The following BRAP variants were observed in gnomAD, a reference collection of about 807,000 sequenced individuals.
The protein encoded by BRAP is BRCA1-associated protein.
A neutral mutation model predicts 73.4 loss-of-function variants in BRAP; 42 were observed. The ratio of observed to expected loss-of-function variants is 0.57; its 90% confidence interval spans 0.45 to 0.74. The LOEUF (loss-of-function observed/expected upper bound fraction) is 0.74. Among genes scored for constraint, BRAP ranks in the 30% least tolerant of loss-of-function variants. The pLI, the probability that BRAP is intolerant of heterozygous loss-of-function variation, is 0.00. For synonymous variants in BRAP, 255 were observed against 267.4 expected (o/e 0.95, Z 0.45); for missense variants, 593 against 751.4 (o/e 0.79, Z 2.46).
intron 5 of BRAP, chr12:111,670,494 T>G: frequency 8.9e-6 from 2 of 223,954 alleles, no homozygotes. Flanking sequence ...TCTACTTAAT[T>G]TTTTAATTTT....
In BRAP at chr12:111,665,712, C is replaced by T; in HGVS notation, c.823G>A (p.Val275Met). ...CATAACGTTGTGAGGATGCCATTCACAGACTCGTCCATGCGCTCCAGACAC... is the reference window on the plus strand; with the variant it reads ...CATAACGTTGTGAGGATGCCATTCATAGACTCGTCCATGCGCTCCAGACAC... Reference protein sequence around the residue: ...TVCLERMDESVNGILTTLCNH... With the variant: ...TVCLERMDESMNGILTTLCNH... Residue 275 changes from valine to methionine, a missense_variant, in exon 6 of 12, where the codon GTG (valine) becomes ATG (methionine). Val to Met is a conservative substitution (Grantham distance 21, BLOSUM62 1). Transcript: ENST00000419234. The surrounding 1 kb of genome is among the most constrained non-coding windows in gnomAD (Gnocchi z 4.3). 1 of 1,614,270 alleles carries T rather than the reference C, an allele frequency of 6.2e-7. No homozygotes were observed. Among genetic ancestry groups the T allele is most frequent in the Non-Finnish European group, 8.5e-7 (1 of 1,180,050 alleles).
At chr12:111,662,319 G>C (rs796118980) in intron 6 of BRAP, among the ~76,000 whole-genome samples, 18 of 152,238 alleles carry the variant, frequency 1.2e-4, no homozygotes, top group African/African-American at 4.3e-4. Context: ...GGGAGACCTA[G>C]GCGGGCGGAT....
intron 11 of BRAP, among the ~76,000 whole-genome samples, chr12:111,646,813 G>A (rs1886128630): frequency 6.6e-6 from 1 of 152,084 alleles, no homozygotes; most frequent in African/African-American, 2.4e-5. Context: ...CATGCCCTTT[G>A]ACACAGCTAT....
intron 6 of BRAP, among the ~76,000 whole-genome samples, chr12:111,662,851 T>C (rs941182651): frequency 6.6e-6 from 1 of 151,200 alleles, no homozygotes; most frequent in Non-Finnish European, 1.5e-5. Context: ...CCAGGTGCAG[T>C]AGCTCACATC....
In BRAP at chr12:111,665,638, C is replaced by T. The variant is rs1330668308; in HGVS notation, c.896+1G>A. The T allele has an allele frequency of 2.5e-6, 4 of 1,614,010 alleles. No individual in the cohort carries two copies. The highest frequency in any genetic ancestry group is 2.2e-5 in the East Asian group (1 of 44,892). On this transcript the variant is annotated splice_donor_variant, in intron 6 of 11. Coordinates refer to ENST00000419234, the MANE Select transcript of BRAP (RefSeq NM_006768.5). LOFTEE classifies it high-confidence loss of function. The surrounding 1 kb of genome is among the most constrained non-coding windows in gnomAD (Gnocchi z 4.3). ...CAGAGGGGTTCGGCCCCTGCACTCA[C>T]GTGGTATCGTCCCAGCGCTGTAGAC...
intron 11 of BRAP, among the ~76,000 whole-genome samples, chr12:111,646,987 G>A (rs1016961569): frequency 3.2e-4 from 48 of 152,264 alleles, no homozygotes; most frequent in African/African-American, 1.1e-3. Flanking sequence ...CAGGCCAGGT[G>A]CAGGGCTCAT....
Position 111,670,610 on chromosome 12 carries a change from C to T in BRAP, c.747+2051G>A, listed in dbSNP as rs141439105. On this transcript the variant is annotated intron_variant, in intron 5 of 11. Coordinates refer to ENST00000419234, the MANE Select transcript of BRAP (RefSeq NM_006768.5). ...CGGGGTTTAAGCAATTCTGCCTCAGCCTCCGGAGTAGCTGAGACTACAGGC... is the reference window on the plus strand; with the variant it reads ...CGGGGTTTAAGCAATTCTGCCTCAGTCTCCGGAGTAGCTGAGACTACAGGC... Among the ~76,000 whole-genome samples the T allele has an allele frequency of 3.7e-3, 558 of 152,300 alleles. 2 individuals are homozygous for T. The highest frequency in any genetic ancestry group is 6.0e-3 in the Non-Finnish European group (408 of 68,014).
Position 111,649,737 on chromosome 12 carries a change from G to A in BRAP, c.1415+202C>T, listed in dbSNP as rs560027105. Among the ~76,000 whole-genome samples, 10 of 152,366 alleles carry A rather than the reference G, an allele frequency of 6.6e-5. No homozygotes were observed. In the East Asian group the frequency reaches 1.7e-3, roughly 26 times the overall value. On this transcript the variant is annotated intron_variant, in intron 11 of 11. Coordinates refer to ENST00000419234, the MANE Select transcript of BRAP (RefSeq NM_006768.5). ...ACACACTGCAAGTGCACAGACATCA[G>A]AAGAGAGCACTGCATTCCACATGGC...
intron 2 of BRAP, among the ~76,000 whole-genome samples, chr12:111,682,110 C>T (rs1887621781): frequency 6.6e-6 from 1 of 152,158 alleles, no homozygotes; most frequent in Non-Finnish European, 1.5e-5. Context: ...TCTTCTATCA[C>T]GAAATCCTAA....
At chr12:111,676,932 A>G (rs1019168762) in intron 4 of BRAP, among the ~76,000 whole-genome samples, 1 of 152,190 alleles carries the variant, frequency 6.6e-6, no homozygotes, top group African/African-American at 2.4e-5. Context: ...TAAGACCCAG[A>G]GTTAGCAATA....
intron 10 of BRAP, among the ~76,000 whole-genome samples, chr12:111,654,909 TAATTATACAC>T (rs1207582719): frequency 2.6e-5 from 4 of 152,336 alleles, no homozygotes; most frequent in Admixed American, 2.0e-4. Context: ...CCTAGAGCCA[TAATTATACAC>T]AATTATACAC....
intron 2 of BRAP, 21 bp from the exon 3 acceptor site, chr12:111,681,856 G>C (rs1182747954): frequency 4.4e-6 from 7 of 1,590,982 alleles, no homozygotes; most frequent in Non-Finnish European, 5.1e-6. Context: ...TTAAAAAATA[G>C]CAGATTATAA....
rs1407080443 is a variant in BRAP, at chr12:111,681,793, G to A, written c.287C>T (p.Ala96Val). 1 of 1,612,414 alleles carries A rather than the reference G, an allele frequency of 6.2e-7. No individual in the cohort carries two copies. Among genetic ancestry groups the A allele is most frequent in the Non-Finnish European group, 8.5e-7 (1 of 1,179,536 alleles). ...TTTACTTCTTTGCGCAGTGGGGGAG[G>A]CTTCTGAAGACTTCCTTTCTTCCAC... is the stretch of plus-strand genomic sequence containing the variant. The part of the protein sequence containing the change: ...TTVEERKSSE[A>V]SPTAQRSKDH... Residue 96 changes from alanine to valine, a missense_variant, in exon 3 of 12, where the codon GCC becomes GTC. This residue lies in a region of BRAP where 304 missense variants were observed against 337.7 expected (regional missense o/e 0.90). Transcript: ENST00000419234.
At chr12:111,646,859 A>G (rs536100294) in intron 11 of BRAP, among the ~76,000 whole-genome samples, 1 of 152,228 alleles carries the variant, frequency 6.6e-6, no homozygotes, top group South Asian at 2.1e-4. Context: ...GAATAGATAT[A>G]CTCAGGATTA....
intron 3 of BRAP, among the ~76,000 whole-genome samples, chr12:111,679,773 A>G (rs1463062520): frequency 1.4e-5 from 2 of 145,964 alleles, no homozygotes; most frequent in Non-Finnish European, 3.0e-5. Flanking sequence ...GCTACTTGGG[A>G]GGCTGAGGCA....
intron 11 of BRAP, among the ~76,000 whole-genome samples, chr12:111,647,827 A>C (rs1006669228): frequency 2.0e-5 from 3 of 148,976 alleles, no homozygotes; most frequent in African/African-American, 5.0e-5. Context: ...CCCCGGAGGC[A>C]GATGTTGCAG....
intron 6 of BRAP, among the ~76,000 whole-genome samples, chr12:111,662,389 A>G (rs1886788828): frequency 6.6e-6 from 1 of 152,120 alleles, no homozygotes; most frequent in South Asian, 2.1e-4. Flanking sequence ...TGTCTCTACT[A>G]AAAATACAAA....
At position 111,679,303 on chromosome 12, in the gene BRAP, C is replaced by A; in HGVS notation, c.481G>T (p.Ala161Ser). 1 of 1,574,560 alleles carries A rather than the reference C, an allele frequency of 6.4e-7. No homozygotes were observed. The highest frequency in any genetic ancestry group is 8.6e-7 in the Non-Finnish European group (1 of 1,159,458). Residue 161 changes from alanine to serine, a missense_variant, in exon 4 of 12, where the codon GCC (alanine) becomes TCC (serine). Ala to Ser is a moderately conservative substitution (Grantham distance 99, BLOSUM62 1). Around this residue, in one of 4 missense-constraint regions of BRAP, gnomAD observed 304 missense variants for 337.7 expected, o/e 0.90. Transcript: ENST00000419234. ...TSLKEDVRRSAMLCILTVPAA... is the reference protein window; with the variant it reads ...TSLKEDVRRSSMLCILTVPAA... Reference sequence around the variant, plus strand: ...GGGACTGTGAGAATACACAGCATGGCACTGCGCCGCACATCTTCTTTTAAG... The same window carrying A: ...GGGACTGTGAGAATACACAGCATGGAACTGCGCCGCACATCTTCTTTTAAG...
intron 5 of BRAP, among the ~76,000 whole-genome samples, chr12:111,667,710 A>AAAAAAAAAAAAAAAAAAAAAAAAAAAC (rs1419515858): frequency 6.8e-6 from 1 of 147,190 alleles, no homozygotes; most frequent in African/African-American, 2.5e-5. Context: ...AAAAAAAAAA[A>AAAAAAAAAAAAAAAAAAAAAAAAAAAC]AAAAAAAAAA....
Sources: allele counts gnomAD v4.1 joint callset (sites outside exome capture counted in the v4.1 genomes callset), GRCh38; gene constraint gnomAD v4.1.1; regional missense constraint gnomAD v4.1.1; non-coding constraint Gnocchi (gnomAD v3.1); transcripts MANE v1.5; gene names NCBI Gene and HGNC (gene_info 2026-07-23, HGNC 2026-07-21).